Variants in DPP6 observed in about 807,000 individuals in gnomAD.
DPP6 encodes A-type potassium channel modulatory protein DPP6.
In DPP6, 69 loss-of-function variants were observed where a neutral mutation model predicts 122.6. That is an observed-to-expected ratio of 0.56 (90% confidence interval 0.46 to 0.69). The LOEUF (loss-of-function observed/expected upper bound fraction) is 0.69. Among genes scored for constraint, DPP6 ranks in the 30% least tolerant of loss-of-function variants. The probability of loss-of-function intolerance (pLI) is 0.00; values close to 1 mark genes in which losing one functional copy is unlikely to be tolerated. For synonymous variants in DPP6, 418 were observed against 433.1 expected (o/e 0.97, Z 0.43); for missense variants, 928 against 1,116.9 (o/e 0.83, Z 2.41).
At chr7:154,742,709 T>G (rs1586998716) in intron 8 of DPP6, among the ~76,000 whole-genome samples, 1 of 152,370 alleles carries the variant, frequency 6.6e-6, no homozygotes, top group East Asian at 1.9e-4. Flanking sequence ...ACTGGGAGTT[T>G]CTGGCCTCCG....
intron 21 of DPP6, among the ~76,000 whole-genome samples, chr7:154,883,249 C>G (rs976408099): frequency 6.8e-6 from 1 of 147,138 alleles, no homozygotes; most frequent in East Asian, 2.1e-4. Context: ...TTCACACACG[C>G]TCACCCATAC....
At chr7:154,384,409 G>T (rs1454864931) in intron 1 of DPP6, among the ~76,000 whole-genome samples, 1 of 152,174 alleles carries the variant, frequency 6.6e-6, no homozygotes, top group Non-Finnish European at 1.5e-5. Context: ...CTGAACTTGG[G>T]CAGACACTTG....
At chr7:154,418,591 C>G (rs554681291) in intron 1 of DPP6, among the ~76,000 whole-genome samples, 1 of 152,140 alleles carries the variant, frequency 6.6e-6, no homozygotes, top group South Asian at 2.1e-4. Flanking sequence ...AAACACAGCT[C>G]TATCTGTGAG....
rs7779700 is a variant in DPP6 at position 154,842,013 on chromosome 7, G to A, written c.1667-11767G>A. Among the ~76,000 whole-genome samples, 365 of 152,300 alleles carry A rather than the reference G, an allele frequency of 2.4e-3. 3 individuals carry two copies. The highest frequency in any genetic ancestry group is 8.3e-3 in the African/African-American group (344 of 41,552). On this transcript the variant is annotated intron_variant, in intron 16 of 25. Coordinates refer to ENST00000377770, the MANE Select transcript of DPP6 (RefSeq NM_130797.4). ...ACAAATATTTTAATTATCCGCAGTA[G>A]TTCTGGTAGCTTGGCTAGCTCCCTG...
At chr7:153,771,287 C>A in the DPP6 span, among the ~76,000 whole-genome samples, 1 of 152,148 alleles carries the variant, frequency 6.6e-6, no homozygotes, top group Non-Finnish European at 1.5e-5. Context: ...AGAATTATAG[C>A]AGACTTTTTG....
chr7:153,971,526 C>T (rs1028593203), intron 1 of DPP6, among the ~76,000 whole-genome samples: 1 of 140,892 alleles, frequency 7.1e-6, no homozygotes, highest in Non-Finnish European at 1.6e-5. Flanking sequence ...GAAAAGTGTT[C>T]AGTATTCATC....
chr7:154,151,945 A>C (rs1796445448), intron 1 of DPP6, among the ~76,000 whole-genome samples: 1 of 150,800 alleles, frequency 6.6e-6, no homozygotes, highest in South Asian at 2.1e-4. Context: ...AACCCCACAC[A>C]TTTGAGTTTG....
chr7:154,639,922 A>G (rs192622056), intron 6 of DPP6, among the ~76,000 whole-genome samples: 4 of 152,272 alleles, frequency 2.6e-5, no homozygotes, highest in Admixed American at 6.5e-5. Flanking sequence ...TAGCTACTGT[A>G]TGCTTGAGTC....
intron 3 of DPP6, among the ~76,000 whole-genome samples, chr7:154,500,244 A>T (rs2151408310): frequency 6.6e-6 from 1 of 152,340 alleles, no homozygotes; most frequent in African/African-American, 2.4e-5. Flanking sequence ...TATTATAGAT[A>T]GTGGTGATGG....
At chr7:154,469,812 T>C (rs570526863) in intron 2 of DPP6, among the ~76,000 whole-genome samples, 2 of 152,336 alleles carry the variant, frequency 1.3e-5, no homozygotes, top group Admixed American at 1.3e-4. Context: ...GGGCACTCAA[T>C]CAATAAATAT....
At position 154,319,923 on chromosome 7, in the gene DPP6, G is replaced by A. The variant is rs913167733; in HGVS notation, c.244-126291G>A. On this transcript the variant is annotated intron_variant, in intron 1 of 25. Coordinates refer to ENST00000377770, the MANE Select transcript of DPP6 (RefSeq NM_130797.4). ...GGAGAATTGCTTGAACCCAGGAGGCGGAGGTTGCGGTGAGCCGAGATCACA... is the reference window on the plus strand; with the variant it reads ...GGAGAATTGCTTGAACCCAGGAGGCAGAGGTTGCGGTGAGCCGAGATCACA... Among the ~76,000 whole-genome samples, 7 of 151,116 alleles carry A rather than the reference G, an allele frequency of 4.6e-5. No homozygotes were observed. The South Asian group carries it at 6.3e-4, about 14-fold the overall frequency.
intron 1 of DPP6, among the ~76,000 whole-genome samples, chr7:154,182,884 A>G (rs1379570999): frequency 2.6e-5 from 4 of 152,106 alleles, no homozygotes; most frequent in Non-Finnish European, 4.4e-5. Context: ...ATATTCTCCC[A>G]GAAATAGGTT....
chr7:154,891,594 C>T (rs571211367), intron 25 of DPP6, among the ~76,000 whole-genome samples: 103 of 152,228 alleles, frequency 6.8e-4, no homozygotes, highest in African/African-American at 1.9e-3. Context: ...AGCCCTTCCA[C>T]GGGAGTTTCC....
At position 154,211,756 on chromosome 7, in the gene DPP6, A is replaced by G. The variant is rs565772324; in HGVS notation, c.243+158693A>G. On this transcript the variant is annotated intron_variant, in intron 1 of 25. Coordinates refer to ENST00000377770, the MANE Select transcript of DPP6 (RefSeq NM_130797.4). ...GTGCAACTGCAGTCACCAAGTTGCC[A>G]TCCGGGCTGCAGCTTTCAGCTGGCT... Among the ~76,000 whole-genome samples, 280 of 152,284 alleles carry G rather than the reference A, an allele frequency of 1.8e-3. 1 individual carries two copies. The highest frequency in any genetic ancestry group is 3.0e-3 in the Non-Finnish European group (206 of 68,034).
chr7:153,908,341 G>A (rs528648120), intron 1 of DPP6, among the ~76,000 whole-genome samples: 1 of 152,238 alleles, frequency 6.6e-6, no homozygotes, highest in African/African-American at 2.4e-5. Flanking sequence ...TATAGTTATG[G>A]TCCTTTTAAA....
intron 6 of DPP6, among the ~76,000 whole-genome samples, chr7:154,649,563 G>A (rs1836733857): frequency 6.6e-6 from 1 of 152,124 alleles, no homozygotes; most frequent in South Asian, 2.1e-4. Context: ...CACTGTGTAT[G>A]GCAGGTGGAA....
intron 17 of DPP6, among the ~76,000 whole-genome samples, chr7:154,855,470 T>C (rs1432472942): frequency 6.6e-6 from 1 of 152,166 alleles, no homozygotes; most frequent in Non-Finnish European, 1.5e-5. Context: ...AGCAAAAAGG[T>C]TCACCTGCTC....
intron 1 of DPP6, among the ~76,000 whole-genome samples, chr7:154,246,324 C>T (rs1244310904): frequency 2.0e-5 from 3 of 151,538 alleles, no homozygotes; most frequent in Non-Finnish European, 4.4e-5. Context: ...ATTTTTTCTT[C>T]AAGAAGTTGG....
At chr7:154,156,280 G>A (rs925533813) in intron 1 of DPP6, among the ~76,000 whole-genome samples, 22 of 152,280 alleles carry the variant, frequency 1.4e-4, no homozygotes, top group Non-Finnish European at 2.9e-4. Context: ...CTGGGTCCCA[G>A]AACAGTGCTG....
Sources: allele counts gnomAD v4.1 joint callset (sites outside exome capture counted in the v4.1 genomes callset), GRCh38; gene constraint gnomAD v4.1.1; transcripts MANE v1.5; gene names NCBI Gene and HGNC (gene_info 2026-07-23, HGNC 2026-07-21).